Variants in NBAS observed in about 807,000 individuals in gnomAD.
NBAS encodes NBAS subunit of NRZ tethering complex, also known as NAG/BC035112 fusion.
Under a neutral mutation model 302.5 loss-of-function variants are expected in NBAS, and 219 were observed. That is an observed-to-expected ratio of 0.72 (90% CI 0.65 to 0.81). The LOEUF is 0.81. Among genes scored for constraint, NBAS ranks in the 30% least tolerant of loss-of-function variants. The probability of loss-of-function intolerance (pLI) is 0.00; values close to 1 mark genes in which losing one functional copy is unlikely to be tolerated. For missense variants in NBAS, 2,932 were observed against 2,841.6 expected, an observed-to-expected ratio of 1.03 and a Z score of -0.72; for synonymous variants, 1,118 against 1,021.6, an observed-to-expected ratio of 1.09 and a Z score of -1.80.
chr2:15,441,833 C>T (rs1277292686), intron 21 of NBAS, among the ~76,000 whole-genome samples: 2 of 151,220 alleles, frequency 1.3e-5, no homozygotes, highest in African/African-American at 4.9e-5. Flanking sequence ...AAATGGAAAA[C>T]AAAAAAAGGC....
chr2:15,424,513 G>C (rs1677370757), intron 22 of NBAS, 45 bp from the exon 23 acceptor site: 12 of 1,603,640 alleles, frequency 7.5e-6, no homozygotes, highest in Non-Finnish European at 1.0e-5. Flanking sequence ...TAGAATGTTG[G>C]AAAAACATAT....
At chr2:15,540,497 G>A (rs1004009121) in intron 6 of NBAS, among the ~76,000 whole-genome samples, 1 of 151,830 alleles carries the variant, frequency 6.6e-6, no homozygotes, top group Non-Finnish European at 1.5e-5. Context: ...AAAATAACAA[G>A]ATAAACAGAT....
the NBAS span, among the ~76,000 whole-genome samples, chr2:15,146,586 G>T: frequency 6.6e-6 from 1 of 152,116 alleles, no homozygotes; most frequent in African/African-American, 2.4e-5. Context: ...GAGCAAGGCT[G>T]CCATGTCCAG....
chr2:15,474,544 G>GTTT (rs1322407346), intron 14 of NBAS, among the ~76,000 whole-genome samples: 13 of 123,932 alleles, frequency 1.0e-4, no homozygotes, highest in Admixed American at 1.7e-4. Flanking sequence ...ACTAAAGCCT[G>GTTT]TTTTTTTCTT....
intron 11 of NBAS, among the ~76,000 whole-genome samples, chr2:15,493,982 C>T (rs773349015): frequency 3.9e-5 from 6 of 151,912 alleles, no homozygotes; most frequent in Admixed American, 1.3e-4. Context: ...CCTGCCACCA[C>T]GCCGGGCTAA....
At chr2:14,886,948 G>A in the NBAS span, among the ~76,000 whole-genome samples, 2 of 152,276 alleles carry the variant, frequency 1.3e-5, no homozygotes, top group Admixed American at 1.3e-4. Context: ...TTGAGGATAG[G>A]ACCCTTGTTT....
At chr2:15,177,541 A>G (rs1287207407) in intron 51 of NBAS, among the ~76,000 whole-genome samples, 1 of 152,192 alleles carries the variant, frequency 6.6e-6, no homozygotes, top group Non-Finnish European at 1.5e-5. Flanking sequence ...ATGAATATGG[A>G]AAGGCACTGT....
the NBAS span, among the ~76,000 whole-genome samples, chr2:14,905,081 T>C: frequency 6.6e-6 from 1 of 152,178 alleles, no homozygotes; most frequent in South Asian, 2.1e-4. Flanking sequence ...AGTAGGTGTT[T>C]ATGCTCTGTT....
At chr2:14,976,639 A>C in the NBAS span, among the ~76,000 whole-genome samples, 13 of 152,216 alleles carry the variant, frequency 8.5e-5, no homozygotes, top group Admixed American at 2.6e-4. Context: ...TGTGAATGTG[A>C]CTTTATTTGA....
the NBAS span, among the ~76,000 whole-genome samples, chr2:15,005,333 C>G: frequency 1.3e-5 from 2 of 152,204 alleles, no homozygotes; most frequent in African/African-American, 4.8e-5. Flanking sequence ...TCTGTTGCTT[C>G]TATGAGTTTG....
intron 21 of NBAS, among the ~76,000 whole-genome samples, chr2:15,434,466 A>G (rs1677914076): frequency 6.6e-6 from 1 of 152,244 alleles, no homozygotes; most frequent in South Asian, 2.1e-4. Context: ...ATCCTCAAGT[A>G]TAATTTCAAT....
chr2:15,055,265 G>A, the NBAS span, among the ~76,000 whole-genome samples: 2 of 152,188 alleles, frequency 1.3e-5, no homozygotes, highest in African/African-American at 4.8e-5. Flanking sequence ...ATGATCAACT[G>A]TGTTTTCTGC....
At chr2:15,279,621 C>T (rs1390756106) in intron 42 of NBAS, among the ~76,000 whole-genome samples, 1 of 152,146 alleles carries the variant, frequency 6.6e-6, no homozygotes, top group Non-Finnish European at 1.5e-5. Flanking sequence ...ATCAACATTA[C>T]TTTCCCTCTT....
At chr2:15,074,575 T>C in the NBAS span, among the ~76,000 whole-genome samples, 1 of 151,972 alleles carries the variant, frequency 6.6e-6, no homozygotes, top group East Asian at 1.9e-4. Context: ...AATGAATAAC[T>C]ATAATATAGG....
chr2:15,282,007 C>T (rs1325216210), intron 42 of NBAS, among the ~76,000 whole-genome samples: 2 of 152,118 alleles, frequency 1.3e-5, no homozygotes, highest in African/African-American at 4.8e-5. Flanking sequence ...TAATCTGTTC[C>T]CCTAGACCAA....
the NBAS span, among the ~76,000 whole-genome samples, chr2:14,960,825 G>A: frequency 6.6e-6 from 1 of 152,114 alleles, no homozygotes; most frequent in African/African-American, 2.4e-5. Flanking sequence ...AGTCACCATT[G>A]TTTCATAGTC....
At chr2:15,530,364 A>G (rs993187234) in intron 9 of NBAS, among the ~76,000 whole-genome samples, 2 of 152,104 alleles carry the variant, frequency 1.3e-5, no homozygotes, top group African/African-American at 4.8e-5. Flanking sequence ...AATGAAAAAT[A>G]TAACAATAAA....
chr2:15,464,500 C>A (rs1427122229), intron 19 of NBAS, among the ~76,000 whole-genome samples: 1 of 152,134 alleles, frequency 6.6e-6, no homozygotes. Flanking sequence ...TACTCCACTT[C>A]TATAATCATG....
At chr2:15,496,509 G>C (rs910728545) in intron 11 of NBAS, among the ~76,000 whole-genome samples, 2 of 152,080 alleles carry the variant, frequency 1.3e-5, no homozygotes, top group African/African-American at 4.8e-5. Context: ...TCCCCAAAAT[G>C]GTTATTAAAC....
Sources: allele counts gnomAD v4.1 joint callset (sites outside exome capture counted in the v4.1 genomes callset), GRCh38; gene constraint gnomAD v4.1.1; transcripts MANE v1.5; gene names NCBI Gene and HGNC (gene_info 2026-07-23, HGNC 2026-07-21).